LYPD8: variants seen among roughly 807,000 people sequenced by gnomAD.
LYPD8 encodes ly6/PLAUR domain-containing protein 8.
Under a neutral mutation model 1.7 loss-of-function variants are expected in LYPD8, and 8 were observed. The ratio of observed to expected loss-of-function variants is 4.58; its 90% CI spans 2.69 to 8.27. The LOEUF is 8.27. Among genes scored for constraint, LYPD8 ranks in the 30% most tolerant of loss-of-function variants. The pLI is 0.00. For synonymous variants in LYPD8, 50 were observed against 43.6 expected (o/e 1.15, Z -0.58); for missense variants, 112 against 102.3 (o/e 1.09, Z -0.41).
chr1:248,740,296 A>G (rs1243883243), intron 6 of LYPD8, among the ~76,000 whole-genome samples: 6 of 151,796 alleles, frequency 4.0e-5, no homozygotes, highest in African/African-American at 1.5e-4. Context: ...TTCCGTCCTC[A>G]CTCCTCTCTG....
At chr1:248,753,336 C>CAT in intron 2 of LYPD8, among the ~76,000 whole-genome samples, 1 of 136,372 alleles carries the variant, frequency 7.3e-6, no homozygotes, top group Admixed American at 7.3e-5. Flanking sequence ...ACATCACACA[C>CAT]ACCACACACA....
rs549258382 is a variant in LYPD8 at position 248,739,416 on chromosome 1, T to C, written c.*195A>G. On this transcript the variant is annotated 3_prime_UTR_variant, in exon 7 of 7. Transcript: ENST00000590317. The surrounding 1 kb of genome is among the most constrained non-coding windows in gnomAD (Gnocchi z 4.3). ...CAGCCCAGAATGCATCAGGACAGAT[T>C]TGGGCAGTGAATGAACCAGTGCTTT... 9.6e-6 allele frequency: 7 copies of C among 728,152 alleles called. No homozygotes were observed. The highest frequency in any genetic ancestry group is 7.9e-4 in the Middle Eastern group (2 of 2,532). The allele number at this position is 728,152 out of a possible 1,614,324, so 45.1% of individuals were successfully genotyped here.
At chr1:248,751,919 C>CT (rs1393339874) in intron 2 of LYPD8, among the ~76,000 whole-genome samples, 3 of 152,124 alleles carry the variant, frequency 2.0e-5, no homozygotes, top group African/African-American at 7.2e-5. Flanking sequence ...TGCAGATTCT[C>CT]TGAGTTAGGC....
chr1:248,754,797 A>G (rs1052500475), intron 2 of LYPD8, among the ~76,000 whole-genome samples: 2 of 152,138 alleles, frequency 1.3e-5, no homozygotes, highest in African/African-American at 4.8e-5. Context: ...TGGAGCTTGT[A>G]GCAGACGTGC....
intron 6 of LYPD8, among the ~76,000 whole-genome samples, chr1:248,741,528 G>A (rs896087714): frequency 2.6e-5 from 4 of 152,298 alleles, no homozygotes; most frequent in East Asian, 3.9e-4. Context: ...CTCAGAGTGA[G>A]TTAAGGAGGT....
At position 248,750,563 on chromosome 1, in the gene LYPD8, T is replaced by C; in HGVS notation, c.133A>G (p.Asn45Asp). The C allele has an allele frequency of 2.5e-6, 1 of 398,692 alleles. No individual in the cohort carries two copies. The highest frequency in any genetic ancestry group is 3.6e-5 in the East Asian group (1 of 28,084). The allele number at this position is 398,692 out of a possible 1,614,324, so 24.7% of individuals were successfully genotyped here. A position where few individuals can be genotyped will look rare whatever the true frequency, so the allele number is the denominator to read the frequency against. Reference protein sequence around the residue: ...SIASECPSHANTSCISSSASS... With the variant: ...SIASECPSHADTSCISSSASS... ...GCTGAGGAGCTGATACAGCTGGTGT[T>C]GGCATGTGAGGGACATTCAGAGGCA... is the stretch of plus-strand genomic sequence containing the variant. Residue 45 changes from asparagine to aspartate, a missense_variant, in exon 4 of 7, where the codon AAC (asparagine) becomes GAC (aspartate). Coordinates refer to ENST00000590317, the MANE Select transcript of LYPD8 (RefSeq NM_001085474.2).
chr1:248,742,775 C>A (rs1413470621), intron 6 of LYPD8, among the ~76,000 whole-genome samples: 13 of 83,804 alleles, frequency 1.6e-4, no homozygotes, highest in Non-Finnish European at 2.5e-4. Context: ...ATGTTGGCAG[C>A]GGGGGAGGTT....
chr1:248,739,516 G>C lies in LYPD8; in HGVS notation c.*95C>G, dbSNP rs185768217. 1.1e-4 allele frequency: 162 copies of C among 1,511,140 alleles called. No individual in the cohort carries two copies. Among genetic ancestry groups the C allele is most frequent in the Non-Finnish European group, 1.2e-4 (133 of 1,121,266 alleles). The allele number at this position is 1,511,140 out of a possible 1,614,324, so 93.6% of individuals were successfully genotyped here. A position where few individuals can be genotyped will look rare whatever the true frequency, so the allele number is the denominator to read the frequency against. ...CCCACTTACTGGGCAGTTAAACGGG[G>C]CAGAGCAGGGAAAGAGGGTGTCAGC... On this transcript the variant is annotated 3_prime_UTR_variant, in exon 7 of 7. Coordinates refer to ENST00000590317, the MANE Select transcript of LYPD8 (RefSeq NM_001085474.2). The surrounding 1 kb of genome is among the most constrained non-coding windows in gnomAD (Gnocchi z 4.3).
chr1:248,753,292 CCACACACACCACACACCCCACA>C (rs1662859222), intron 2 of LYPD8, among the ~76,000 whole-genome samples: 1 of 85,234 alleles, frequency 1.2e-5, no homozygotes. Flanking sequence ...CACACACACA[CCACACACACCACACACCCCACA>C]CAACACACAA....
rs149382056 is a variant in LYPD8, at chr1:248,744,286, T to C, written c.475+856A>G. On this transcript the variant is annotated intron_variant, in intron 6 of 6. Coordinates refer to ENST00000590317, the MANE Select transcript of LYPD8 (RefSeq NM_001085474.2). Reference sequence around the variant, plus strand: ...AGATACTCACTGAAGTGCCTGGGCTTGAGATGTCCACCCAAGGGAAAGGAG... The same window carrying C: ...AGATACTCACTGAAGTGCCTGGGCTCGAGATGTCCACCCAAGGGAAAGGAG... Among the ~76,000 whole-genome samples the C allele has an allele frequency of 3.0e-3, 456 of 152,286 alleles. 5 individuals carry two copies. The highest frequency in any genetic ancestry group is 0.011 in the African/African-American group (446 of 41,554).
At chr1:248,741,033 G>C (rs782084095) in intron 6 of LYPD8, among the ~76,000 whole-genome samples, 3 of 152,172 alleles carry the variant, frequency 2.0e-5, no homozygotes, top group Non-Finnish European at 4.4e-5. Flanking sequence ...AGATTGGCTT[G>C]AGCCAGGAGT....
chr1:248,739,462 C>T lies in LYPD8; in HGVS notation c.*149G>A. 2 of 1,027,284 alleles carry T rather than the reference C, an allele frequency of 1.9e-6. No homozygotes were observed. Among genetic ancestry groups the T allele is most frequent in the South Asian group, 1.6e-5 (1 of 62,014 alleles). The allele number at this position is 1,027,284 out of a possible 1,614,324, so 63.6% of individuals were successfully genotyped here. A position where few individuals can be genotyped will look rare whatever the true frequency, so the allele number is the denominator to read the frequency against. Reference sequence around the variant, plus strand: ...GCTTTAATAATGAAGAACAAGGCAGCTGTCGGCATTGCCTGGAGACCTGTG... The same window carrying T: ...GCTTTAATAATGAAGAACAAGGCAGTTGTCGGCATTGCCTGGAGACCTGTG... On this transcript the variant is annotated 3_prime_UTR_variant, in exon 7 of 7. Coordinates refer to ENST00000590317, the MANE Select transcript of LYPD8 (RefSeq NM_001085474.2). This position sits in a 1 kb window ranked among gnomAD's most constrained non-coding sequence, Gnocchi z 4.3.
intron 2 of LYPD8, among the ~76,000 whole-genome samples, chr1:248,752,786 A>G (rs1337388512): frequency 4.2e-5 from 3 of 71,998 alleles, no homozygotes; most frequent in Admixed American, 1.3e-4. Flanking sequence ...AACACACACC[A>G]CACACACACC....
intron 5 of LYPD8, among the ~76,000 whole-genome samples, chr1:248,746,516 C>A (rs1475742043): frequency 6.6e-6 from 1 of 152,180 alleles, no homozygotes; most frequent in African/African-American, 2.4e-5. Flanking sequence ...AAAGGAAGAA[C>A]CAGGGCTGAG....
At chr1:248,750,900 G>A (rs1662789950) in intron 3 of LYPD8, 130 bp downstream of exon 3, 1 of 398,020 alleles carries the variant, frequency 2.5e-6, no homozygotes, top group Admixed American at 4.4e-5. Context: ...AGGCTGCACG[G>A]ACAGGTCTCA....
chr1:248,746,445 G>A (rs953521755), intron 5 of LYPD8, among the ~76,000 whole-genome samples: 6 of 152,208 alleles, frequency 3.9e-5, no homozygotes, highest in Admixed American at 1.3e-4. Flanking sequence ...AATGCCATCC[G>A]GATATACACT....
chr1:248,753,917 A>G lies in LYPD8; in HGVS notation c.-50+1322T>C, dbSNP rs1572157118. ...ACACATCACATGTCATACATACTAC[A>G]TACACACAACACACACAACACATAA... On this transcript the variant is annotated intron_variant, in intron 2 of 6. Coordinates refer to ENST00000590317, the MANE Select transcript of LYPD8 (RefSeq NM_001085474.2). 1.4e-5 allele frequency among the ~76,000 whole-genome samples: 2 copies of G among 147,264 alleles called. 1 individual carries two copies. The highest frequency in any genetic ancestry group is 3.0e-5 in the Non-Finnish European group (2 of 66,818).
At chr1:248,751,376 T>C (rs1421934573) in intron 2 of LYPD8, among the ~76,000 whole-genome samples, 18 of 152,206 alleles carry the variant, frequency 1.2e-4, no homozygotes, top group African/African-American at 4.3e-4. Context: ...CCATTTCCCG[T>C]GGAGCCAATT....
chr1:248,752,588 AC>A (rs1558208568), intron 2 of LYPD8, among the ~76,000 whole-genome samples: 2 of 120,418 alleles, frequency 1.7e-5, no homozygotes, highest in Non-Finnish European at 1.8e-5. Flanking sequence ...TCACACACAC[AC>A]CACACACCCC....
Sources: gnomAD v4.1 joint callset for allele counts (sites outside exome capture counted in the v4.1 genomes callset) on GRCh38, gnomAD v4.1.1 for gene constraint, Gnocchi (gnomAD v3.1) non-coding constraint, MANE v1.5 for transcripts, NCBI Gene and HGNC (gene_info 2026-07-23, HGNC 2026-07-21) for gene names.